Variants in ST3GAL2 observed in about 807,000 individuals in gnomAD.
ST3GAL2 encodes the protein ST3 beta-galactoside alpha-2,3-sialyltransferase 2.
ST3GAL2 carries 16 observed loss-of-function variants against 37.5 expected under a neutral mutation model. The ratio of observed to expected loss-of-function variants is 0.43; its 90% CI spans 0.29 to 0.65. ST3GAL2 has a LOEUF of 0.65. Among genes scored for constraint, ST3GAL2 ranks in the 30% least tolerant of loss-of-function variants. ST3GAL2 has a pLI of 0.17. For missense variants in ST3GAL2, 383 were observed against 487.8 expected (o/e 0.79, Z 2.02); for synonymous variants, 238 against 202.9 (o/e 1.17, Z -1.47).
chr16:70,407,489 G>A (rs1367225379), intron 1 of ST3GAL2, among the ~76,000 whole-genome samples: 1 of 152,162 alleles, frequency 6.6e-6, no homozygotes, highest in Admixed American at 6.5e-5. Flanking sequence ...AATTTGGGGA[G>A]ACCATTTATC....
chr16:70,433,659 G>A (rs1368808341), intron 1 of ST3GAL2, among the ~76,000 whole-genome samples: 1 of 152,176 alleles, frequency 6.6e-6, no homozygotes, highest in African/African-American at 2.4e-5. Context: ...CCTGGCAACA[G>A]CGGTTCCCTG....
At chr16:70,435,072 C>T (rs1219501161) in intron 1 of ST3GAL2, among the ~76,000 whole-genome samples, 1 of 152,200 alleles carries the variant, frequency 6.6e-6, no homozygotes, top group East Asian at 1.9e-4. Context: ...CAGACGAGGG[C>T]CCGGTTCAGC....
At chr16:70,419,120 ACTGTAAG>A (rs2047696445) in intron 1 of ST3GAL2, among the ~76,000 whole-genome samples, 1 of 152,064 alleles carries the variant, frequency 6.6e-6, no homozygotes, top group African/African-American at 2.4e-5. Context: ...ACCCTCCCCC[ACTGTAAG>A]CTCCAGCAGG....
chr16:70,413,445 G>A (rs1434467685), intron 1 of ST3GAL2, among the ~76,000 whole-genome samples: 2 of 150,026 alleles, frequency 1.3e-5, no homozygotes, highest in Non-Finnish European at 3.0e-5. Context: ...GCCGGGCGCG[G>A]TGGCTCGCGC....
rs947665872 is a variant in ST3GAL2, at chr16:70,409,827, T to C, written c.-1003-10294A>G. Among the ~76,000 whole-genome samples the C allele has an allele frequency of 2.0e-3, 305 of 149,938 alleles. 1 individual carries two copies. Among genetic ancestry groups the C allele is most frequent in the Middle Eastern group, 0.014 (4 of 290 alleles). On this transcript the variant is annotated intron_variant, in intron 1 of 6. Transcript: ENST00000342907. ...TAAATTTTTTTTTTTTTTTTTTTTT[T>C]CATAAAGACAGGGTCTTGCTATGTT...
intron 1 of ST3GAL2, among the ~76,000 whole-genome samples, chr16:70,406,023 T>C (rs2047590061): frequency 6.7e-6 from 1 of 150,114 alleles, no homozygotes. Flanking sequence ...ATCATGCCAC[T>C]GCACTCCGGC....
chr16:70,426,196 T>TG (rs1438956922), intron 1 of ST3GAL2, among the ~76,000 whole-genome samples: 11 of 142,908 alleles, frequency 7.7e-5, no homozygotes, highest in Non-Finnish European at 1.1e-4. Context: ...TTTTTTTTTT[T>TG]TTTTTTTTTG....
chr16:70,392,214 A>G (rs1000417501), intron 3 of ST3GAL2, among the ~76,000 whole-genome samples: 1 of 152,230 alleles, frequency 6.6e-6, no homozygotes, highest in African/African-American at 2.4e-5. Flanking sequence ...AGGTCCCAAA[A>G]TATGTTTCAC....
At chr16:70,384,506 A>G (rs1427832103) in intron 4 of ST3GAL2, among the ~76,000 whole-genome samples, 2 of 151,896 alleles carry the variant, frequency 1.3e-5, no homozygotes, top group Non-Finnish European at 2.9e-5. Context: ...AGAGATGGAG[A>G]CCATCCTGGC....
intron 5 of ST3GAL2, 45 bp from the exon 6 acceptor site, chr16:70,382,969 G>C (rs1031354312): frequency 6.2e-7 from 1 of 1,604,174 alleles, no homozygotes; most frequent in Non-Finnish European, 8.5e-7. Context: ...TTTAGGGGCA[G>C]AGATTCAGGC....
At chr16:70,391,255 T>C (rs2047480395) in intron 3 of ST3GAL2, among the ~76,000 whole-genome samples, 1 of 151,646 alleles carries the variant, frequency 6.6e-6, no homozygotes, top group African/African-American at 2.4e-5. Flanking sequence ...GGGTGGGAGG[T>C]CTCAAAACCT....
intron 1 of ST3GAL2, among the ~76,000 whole-genome samples, chr16:70,413,560 CAAAAAAAA>C (rs978301918): frequency 3.7e-4 from 12 of 32,084 alleles, no homozygotes; most frequent in African/African-American, 5.0e-4. Flanking sequence ...ATCAAAAATA[CAAAAAAAA>C]AAAAAAAAAA....
intron 1 of ST3GAL2, among the ~76,000 whole-genome samples, chr16:70,436,352 G>A (rs989749712): frequency 1.3e-5 from 2 of 150,596 alleles, no homozygotes; most frequent in African/African-American, 4.9e-5. Context: ...CAACAAGGCC[G>A]AGACAAGAGA....
rs1019775842 is a variant in ST3GAL2 at position 70,420,372 on chromosome 16, G to C, written c.-1004+18577C>G. Among the ~76,000 whole-genome samples, 3 of 152,186 alleles carry C rather than the reference G, an allele frequency of 2.0e-5. No homozygotes were observed. The East Asian group carries it at 5.8e-4, about 29-fold the overall frequency. ...AGTCACATAGGTGCCAATCACCTGG[G>C]AGACCTAGGGAAACAGGCATCCCTC... On this transcript the variant is annotated intron_variant, in intron 1 of 6. Coordinates refer to ENST00000342907, the MANE Select transcript of ST3GAL2 (RefSeq NM_006927.4).
chr16:70,420,006 A>G (rs1181373801), intron 1 of ST3GAL2, among the ~76,000 whole-genome samples: 4 of 124,864 alleles, frequency 3.2e-5, no homozygotes, highest in Non-Finnish European at 5.1e-5. Context: ...ACAACTGACC[A>G]TTTGACCCCC....
intron 1 of ST3GAL2, chr16:70,400,731 G>A (rs748904799): frequency 6.6e-6 from 1 of 152,228 alleles, no homozygotes; most frequent in Non-Finnish European, 1.5e-5. Flanking sequence ...GGTGACTTTG[G>A]GATAGGCCAT....
intron 3 of ST3GAL2, among the ~76,000 whole-genome samples, chr16:70,389,370 C>G (rs1006595237): frequency 1.2e-4 from 18 of 151,808 alleles, no homozygotes; most frequent in Non-Finnish European, 2.9e-5. Flanking sequence ...GTGGTGCTAT[C>G]TCGGCTCACT....
rs529608478 is a variant in ST3GAL2 at position 70,399,273 on chromosome 16, G to A, written c.-743C>T. On this transcript the variant is annotated 5_prime_UTR_variant, in exon 2 of 7. Coordinates refer to ENST00000342907, the MANE Select transcript of ST3GAL2 (RefSeq NM_006927.4). ...CCCCAGCTGCAGTTGCGTAGGGGTC[G>A]CAAAGCTCCTACTGTGGCTGTGGGG... 3.5e-5 allele frequency: 14 copies of A among 398,854 alleles called. No individual in the cohort carries two copies. Among genetic ancestry groups the A allele is most frequent in the African/African-American group, 1.0e-4 (5 of 48,750 alleles). 24.7% of individuals were successfully genotyped at this position (398,854 alleles called of 1,614,324 possible).
At chr16:70,409,805 ATTT>A (rs980660367) in intron 1 of ST3GAL2, among the ~76,000 whole-genome samples, 5 of 129,032 alleles carry the variant, frequency 3.9e-5, no homozygotes, top group Non-Finnish European at 3.3e-5. Context: ...ACCTGGCTAA[ATTT>A]TTTTTTTTTT....
Sources: gnomAD v4.1 joint callset for allele counts (sites outside exome capture counted in the v4.1 genomes callset) on GRCh38, gnomAD v4.1.1 for gene constraint, MANE v1.5 for transcripts, NCBI Gene and HGNC (gene_info 2026-07-23, HGNC 2026-07-21) for gene names.